Variants in HAPSTR1 observed in about 807,000 individuals in gnomAD.
HAPSTR1 encodes HUWE1 associated protein modifying stress responses.
chr16:9,097,320 G>A, the HAPSTR1 span, among the ~76,000 whole-genome samples: 2 of 149,240 alleles, frequency 1.3e-5, no homozygotes, highest in African/African-American at 2.5e-5. Flanking sequence ...TCAGCTCACT[G>A]TAACCTCCAC....
chr16:9,113,961 A>C, the HAPSTR1 span, among the ~76,000 whole-genome samples: 1 of 152,178 alleles, frequency 6.6e-6, no homozygotes, highest in African/African-American at 2.4e-5. Context: ...TTTCAACATG[A>C]GGGGGTAGGA....
chr16:9,100,500 C>G, the HAPSTR1 span, among the ~76,000 whole-genome samples: 1 of 151,408 alleles, frequency 6.6e-6, no homozygotes, highest in Non-Finnish European at 1.5e-5. Context: ...TCTTTTTTTG[C>G]TGTCTGGTTT....
At chr16:9,094,687 C>G in the HAPSTR1 span, among the ~76,000 whole-genome samples, 3 of 152,162 alleles carry the variant, frequency 2.0e-5, no homozygotes, top group African/African-American at 7.2e-5. Flanking sequence ...GTGCATAGTT[C>G]AGTGCCTTTT....
chr16:9,117,156 T>G, the HAPSTR1 span: 1 of 516,436 alleles, frequency 1.9e-6, no homozygotes, highest in Non-Finnish European at 3.4e-6. Context: ...GTTAGCAAGA[T>G]CATCATAGGC....
chr16:9,112,992 G>A, the HAPSTR1 span: 1 of 149,528 alleles, frequency 6.7e-6, no homozygotes. Flanking sequence ...ATGCCCTCAG[G>A]ACGTACAACT....
chr16:9,093,061 GCC>G, the HAPSTR1 span: 1 of 1,480,852 alleles, frequency 6.8e-7, no homozygotes, highest in South Asian at 1.2e-5. Context: ...CAGGGTGTCT[GCC>G]CTGCGTTCCA....
chr16:9,092,742 G>GC, the HAPSTR1 span, among the ~76,000 whole-genome samples: 101 of 151,964 alleles, frequency 6.6e-4, no homozygotes, highest in East Asian at 0.014. Flanking sequence ...CGACCTCCCT[G>GC]CCCCCCCGGT....
chr16:9,116,801 A>T, the HAPSTR1 span: 11 of 1,614,126 alleles, frequency 6.8e-6, no homozygotes, highest in African/African-American at 1.5e-4. Context: ...CTTTCATATC[A>T]GAAGAAATGG....
At chr16:9,111,693 G>A in the HAPSTR1 span, 1 of 152,104 alleles carries the variant, frequency 6.6e-6, no homozygotes, top group Non-Finnish European at 1.5e-5. Context: ...TGTTTAAGCA[G>A]TTTTGATATT....
the HAPSTR1 span, among the ~76,000 whole-genome samples, chr16:9,101,327 A>T: frequency 6.6e-6 from 1 of 152,236 alleles, no homozygotes; most frequent in Non-Finnish European, 1.5e-5. Flanking sequence ...TGAGAAATCA[A>T]AATTATTGAT....
chr16:9,120,111 G>C, the HAPSTR1 span: 1 of 152,178 alleles, frequency 6.6e-6, no homozygotes, highest in African/African-American at 2.4e-5. Flanking sequence ...GTTGTAACCT[G>C]GTGCTTCATT....
At chr16:9,096,798 G>A in the HAPSTR1 span, among the ~76,000 whole-genome samples, 1 of 152,002 alleles carries the variant, frequency 6.6e-6, no homozygotes, top group Non-Finnish European at 1.5e-5. Flanking sequence ...TGAGGCAGGA[G>A]GATTGCTTGG....
chr16:9,094,443 T>C, the HAPSTR1 span, among the ~76,000 whole-genome samples: 3 of 152,186 alleles, frequency 2.0e-5, no homozygotes, highest in Non-Finnish European at 4.4e-5. Context: ...TCTGGGAGTG[T>C]AATTTACATA....
At chr16:9,114,832 C>G in the HAPSTR1 span, among the ~76,000 whole-genome samples, 2 of 152,206 alleles carry the variant, frequency 1.3e-5, no homozygotes, top group Non-Finnish European at 2.9e-5. Flanking sequence ...GGGTTTTCAC[C>G]TGCAGAATGG....
the HAPSTR1 span, chr16:9,092,080 C>A: frequency 1.3e-6 from 2 of 1,539,818 alleles, no homozygotes; most frequent in East Asian, 2.5e-5. Context: ...AGGCCGAGAT[C>A]CAGGAGCACG....
At chr16:9,121,573 TG>T in the HAPSTR1 span, 2 of 81,142 alleles carry the variant, frequency 2.5e-5, no homozygotes, top group Admixed American at 2.3e-4. Context: ...TTTGCCTCTC[TG>T]GGCTGTTTTC....
At chr16:9,092,908 G>GTTTTTT in the HAPSTR1 span, 1 of 1,464,106 alleles carries the variant, frequency 6.8e-7, no homozygotes, top group Non-Finnish European at 9.1e-7. Context: ...TTTTTTTTTG[G>GTTTTTT]CTTGCTTTTC....
the HAPSTR1 span, among the ~76,000 whole-genome samples, chr16:9,094,571 T>C: frequency 1.3e-5 from 2 of 152,136 alleles, no homozygotes; most frequent in East Asian, 3.8e-4. Flanking sequence ...CTGTTTTTTC[T>C]CCTCCATCAT....
the HAPSTR1 span, among the ~76,000 whole-genome samples, chr16:9,092,542 T>C: frequency 6.6e-6 from 1 of 152,078 alleles, no homozygotes; most frequent in Non-Finnish European, 1.5e-5. Flanking sequence ...GGCCACCCGG[T>C]GTCCCCCTCG....
Sources: allele counts gnomAD v4.1 joint callset (sites outside exome capture counted in the v4.1 genomes callset), GRCh38; gene constraint gnomAD v4.1.1; transcripts MANE v1.5; gene names NCBI Gene and HGNC (gene_info 2026-07-23, HGNC 2026-07-21).